The following PIK3R1 variants were observed in gnomAD, a reference collection of about 807,000 sequenced individuals.
The protein encoded by PIK3R1 is phosphoinositide-3-kinase regulatory subunit 1, also known as phosphatidylinositol 3-kinase regulatory subunit alpha.
A neutral mutation model predicts 98.0 loss-of-function variants in PIK3R1; 29 were observed. The ratio of observed to expected loss-of-function variants is 0.30; its 90% CI spans 0.22 to 0.40. PIK3R1 has a LOEUF of 0.40. Among genes scored for constraint, PIK3R1 ranks in the 10% least tolerant of loss-of-function variants. The probability of loss-of-function intolerance (pLI) is 1.00; values close to 1 mark genes in which losing one functional copy is unlikely to be tolerated. For synonymous variants in PIK3R1, 282 were observed against 311.8 expected, an observed-to-expected ratio of 0.90 and a Z score of 1.01; for missense variants, 596 against 872.7, an observed-to-expected ratio of 0.68 and a Z score of 3.99.
chr5:68,301,386 G>GTA lies in PIK3R1; in HGVS notation c.*3786_*3787insAT, dbSNP rs1748052124. ...TATATATGTGTGTGTGTGTGTGTGT[G>GTA]TGTGTGTATATATATATATATATAT... On this transcript the variant is annotated 3_prime_UTR_variant, in exon 16 of 16. Transcript: ENST00000521381. 2.9e-5 allele frequency: 1 copy of GTA among 34,814 alleles called. No individual in the cohort carries two copies. The highest frequency in any genetic ancestry group is 1.0e-4 in the African/African-American group (1 of 9,962). The allele number at this position is 34,814 out of a possible 1,614,324, so 2.2% of individuals were successfully genotyped here. A position where few individuals can be genotyped will look rare whatever the true frequency, so the allele number is the denominator to read the frequency against.
chr5:68,248,813 A>C (rs1159536541), intron 2 of PIK3R1, among the ~76,000 whole-genome samples: 1 of 152,220 alleles, frequency 6.6e-6, no homozygotes, highest in Non-Finnish European at 1.5e-5. Context: ...GTAAACTGTT[A>C]CAAAGCAACA....
In PIK3R1 at chr5:68,244,521, CCG is replaced by C. The variant is rs1352472694; in HGVS notation, c.334+17514_334+17515del. On this transcript the variant is annotated intron_variant, in intron 2 of 15. Coordinates refer to ENST00000521381, the MANE Select transcript of PIK3R1 (RefSeq NM_181523.3). ...CGCCTATTTCTCTAGGACCGCCCCCCCGCCCCCCGCCGCCGCTTCAGAGAGCT... is the reference window on the plus strand; with the variant it reads ...CGCCTATTTCTCTAGGACCGCCCCCCCCCCCCGCCGCCGCTTCAGAGAGCT... Among the ~76,000 whole-genome samples the C allele has an allele frequency of 2.6e-4, 8 of 31,362 alleles. 2 individuals carry two copies. Among genetic ancestry groups the C allele is most frequent in the South Asian group, 3.2e-3 (2 of 618 alleles). 20.6% of individuals were successfully genotyped at this position (31,362 alleles called of 152,430 possible).
At chr5:68,297,120 T>C (rs747624115) in intron 15 of PIK3R1, among the ~76,000 whole-genome samples, 7 of 152,228 alleles carry the variant, frequency 4.6e-5, no homozygotes, top group African/African-American at 4.8e-5. Context: ...TTACTGCATG[T>C]CAGGCATTCT....
intron 14 of PIK3R1, 195 bp downstream of exon 14, chr5:68,295,683 T>A: frequency 1.7e-6 from 1 of 599,370 alleles, no homozygotes; most frequent in East Asian, 2.8e-5. Context: ...TAGGATTTAT[T>A]TTTACTCATA....
intron 1 of PIK3R1, among the ~76,000 whole-genome samples, chr5:68,223,159 CATCATCAT>C (rs1455143982): frequency 3.3e-5 from 5 of 149,484 alleles, no homozygotes; most frequent in Non-Finnish European, 7.4e-5. Flanking sequence ...TCATCATCAT[CATCATCAT>C]CACCCAATAC....
chr5:68,237,621 T>C (rs1418250992), intron 2 of PIK3R1, among the ~76,000 whole-genome samples: 4 of 151,924 alleles, frequency 2.6e-5, no homozygotes, highest in Non-Finnish European at 5.9e-5. Flanking sequence ...ACTTTAAATG[T>C]TTTCTGAGTT....
chr5:68,237,611 A>C (rs1163700594), intron 2 of PIK3R1, among the ~76,000 whole-genome samples: 2 of 146,748 alleles, frequency 1.4e-5, no homozygotes, highest in Non-Finnish European at 3.0e-5. Context: ...AAAAAAAAAA[A>C]CTTTAAATGT....
intron 7 of PIK3R1, chr5:68,290,859 G>T (rs1554050727): frequency 6.7e-7 from 1 of 1,491,824 alleles, no homozygotes; most frequent in Non-Finnish European, 9.2e-7. Context: ...TTATTGTAGA[G>T]AGTTAGTTAA....
chr5:68,297,972 G>A lies in PIK3R1; in HGVS notation c.*371G>A. On this transcript the variant is annotated 3_prime_UTR_variant, in exon 16 of 16. Transcript: ENST00000521381. ...CTTTCTGAAGCTTTACCAGCTGAAAGTTGGGACTCTGGAGAGCGGAGGAGA... is the reference window on the plus strand; with the variant it reads ...CTTTCTGAAGCTTTACCAGCTGAAAATTGGGACTCTGGAGAGCGGAGGAGA... The A allele has an allele frequency of 4.2e-6, 1 of 240,030 alleles. No homozygotes were observed. Among genetic ancestry groups the A allele is most frequent in the East Asian group, 6.0e-5 (1 of 16,624 alleles). The allele number at this position is 240,030 out of a possible 1,614,324, so 14.9% of individuals were successfully genotyped here. A position where few individuals can be genotyped will look rare whatever the true frequency, so the allele number is the denominator to read the frequency against.
At chr5:68,296,414 T>C (rs1747717047) in intron 15 of PIK3R1, 73 bp downstream of exon 15, 2 of 1,394,288 alleles carry the variant, frequency 1.4e-6, no homozygotes, top group African/African-American at 1.4e-5. Flanking sequence ...TCATTGAGTT[T>C]TGGGGGCAAA....
intron 10 of PIK3R1, 111 bp from the exon 11 acceptor site, chr5:68,293,598 C>A: frequency 8.7e-7 from 1 of 1,152,532 alleles, no homozygotes; most frequent in Non-Finnish European, 1.2e-6. Context: ...AAACTTGACA[C>A]TCGTAATTAC....
rs58065578 is a variant in PIK3R1, at chr5:68,275,520, T to TAAA, written c.502+1520_502+1522dup. On this transcript the variant is annotated intron_variant, in intron 4 of 15. Transcript: ENST00000521381. ...CACAAAATGATGCAGTTTAGTTATT[T>TAAA]AAAAAAAAAAAAAAACTCTTCACAC... 3.6e-3 allele frequency among the ~76,000 whole-genome samples: 513 copies of TAAA among 143,162 alleles called. 6 individuals are homozygous for TAAA. The highest frequency in any genetic ancestry group is 2.1e-3 in the Non-Finnish European group (139 of 64,712). 93.9% of individuals were successfully genotyped at this position (143,162 alleles called of 152,430 possible).
intron 1 of PIK3R1, among the ~76,000 whole-genome samples, chr5:68,218,540 G>C (rs1439303934): frequency 6.6e-6 from 1 of 152,090 alleles, no homozygotes; most frequent in Non-Finnish European, 1.5e-5. Flanking sequence ...TATTGTGTTT[G>C]CATTTTGTGA....
chr5:68,247,443 C>T (rs1482872062), intron 2 of PIK3R1, among the ~76,000 whole-genome samples: 1 of 152,126 alleles, frequency 6.6e-6, no homozygotes, highest in Non-Finnish European at 1.5e-5. Context: ...GGACTACAGG[C>T]GTGCGCCACC....
At chr5:68,225,046 T>A (rs188220559) in intron 1 of PIK3R1, among the ~76,000 whole-genome samples, 10 of 152,274 alleles carry the variant, frequency 6.6e-5, no homozygotes, top group Non-Finnish European at 1.3e-4. Context: ...GATTCCATCA[T>A]GGGCGAAGCC....
chr5:68,294,949 T>C (rs1290683904), intron 12 of PIK3R1, among the ~76,000 whole-genome samples, 199 bp from the exon 13 acceptor site: 1 of 143,030 alleles, frequency 7.0e-6, no homozygotes. Flanking sequence ...ACCCTAAAAC[T>C]TAAAGTATAA....
intron 2 of PIK3R1, among the ~76,000 whole-genome samples, chr5:68,273,146 G>T (rs1435118397): frequency 6.6e-6 from 1 of 152,114 alleles, no homozygotes; most frequent in East Asian, 1.9e-4. Flanking sequence ...GTCCTGGGGA[G>T]GGTGGACCTG....
At chr5:68,236,984 A>G (rs1012642983) in intron 2 of PIK3R1, among the ~76,000 whole-genome samples, 1 of 152,266 alleles carries the variant, frequency 6.6e-6, no homozygotes, top group Admixed American at 6.5e-5. Flanking sequence ...AGATAACTCA[A>G]AAGTTTTATA....
At chr5:68,288,741 T>C in intron 7 of PIK3R1, 1 of 1,613,754 alleles carries the variant, frequency 6.2e-7, no homozygotes, top group Non-Finnish European at 8.5e-7. Context: ...TTGAAATGCA[T>C]AACCTGCAAA....
Sources: allele counts gnomAD v4.1 joint callset (sites outside exome capture counted in the v4.1 genomes callset), GRCh38; gene constraint gnomAD v4.1.1; transcripts MANE v1.5; gene names NCBI Gene and HGNC (gene_info 2026-07-23, HGNC 2026-07-21).